Variants in NTRK2 observed in about 807,000 individuals in gnomAD.
NTRK2 encodes BDNF/NT-3 growth factors receptor.
A neutral mutation model predicts 94.5 loss-of-function variants in NTRK2; 13 were observed. The ratio of observed to expected loss-of-function variants is 0.14; its 90% CI spans 0.09 to 0.22. The LOEUF is 0.22. Among genes scored for constraint, NTRK2 ranks in the 10% least tolerant of loss-of-function variants. The pLI is 1.00. For missense variants in NTRK2, 639 were observed against 1,071.2 expected, an observed-to-expected ratio of 0.60 and a Z score of 5.63; for synonymous variants, 372 against 407.4, an observed-to-expected ratio of 0.91 and a Z score of 1.05.
intron 12 of NTRK2, among the ~76,000 whole-genome samples, chr9:84,803,198 G>C (rs2133417422): frequency 6.6e-6 from 1 of 152,284 alleles, no homozygotes. Flanking sequence ...TGAGATGATG[G>C]AAGTTCTACT....
intron 2 of NTRK2, among the ~76,000 whole-genome samples, chr9:84,680,212 A>G (rs561504166): frequency 1.3e-5 from 2 of 152,172 alleles, no homozygotes; most frequent in Non-Finnish European, 2.9e-5. Flanking sequence ...TGTCCAACAA[A>G]CAGGGTACTC....
intron 14 of NTRK2, chr9:84,875,572 G>A (rs200865429): frequency 9.4e-7 from 1 of 1,062,762 alleles, no homozygotes; most frequent in Non-Finnish European, 1.1e-6. Context: ...AGCCGAGTAT[G>A]CTGGATCTTA....
chr9:84,678,258 G>A (rs1338918679), intron 2 of NTRK2, among the ~76,000 whole-genome samples: 1 of 152,172 alleles, frequency 6.6e-6, no homozygotes, highest in East Asian at 1.9e-4. Context: ...TGGTTGGGCT[G>A]TCTTCTTTGA....
chr9:84,718,075 C>CTT (rs200916575), intron 6 of NTRK2, among the ~76,000 whole-genome samples: 1 of 149,246 alleles, frequency 6.7e-6, no homozygotes, highest in Non-Finnish European at 1.5e-5. Flanking sequence ...TTTCTTCTTC[C>CTT]TTTTTTTTTG....
At position 85,026,414 on chromosome 9, in the gene NTRK2, G is replaced by A. The variant is rs1477889291; in HGVS notation, c.*4977G>A. 31 of 231,952 alleles carry A rather than the reference G, an allele frequency of 1.3e-4. No individual in the cohort carries two copies. The East Asian group carries it at 1.8e-3, about 14-fold the overall frequency. The allele number at this position is 231,952 out of a possible 1,614,324, so 14.4% of individuals were successfully genotyped here. On this transcript the variant is annotated 3_prime_UTR_variant, in exon 19 of 19. Coordinates refer to ENST00000277120, the MANE Select transcript of NTRK2 (RefSeq NM_006180.6). The stretch of plus-strand genomic sequence containing the variant: ...TCATAAAAGCTGCTAGTAGCCATGT[G>A]TTTGAACAGGAAAAATATTACAGAA...
intron 2 of NTRK2, among the ~76,000 whole-genome samples, chr9:84,675,961 G>T (rs578106805): frequency 6.6e-6 from 1 of 152,334 alleles, no homozygotes; most frequent in East Asian, 1.9e-4. Context: ...GGAGATGGAT[G>T]AGTGAATGTG....
chr9:85,022,377 G>A lies in NTRK2; in HGVS notation c.*940G>A, dbSNP rs1832827154. The A allele has an allele frequency of 4.3e-6, 1 of 233,238 alleles. No homozygotes were observed. Among genetic ancestry groups the A allele is most frequent in the Non-Finnish European group, 8.5e-6 (1 of 118,026 alleles). 14.4% of individuals were successfully genotyped at this position (233,238 alleles called of 1,614,324 possible). A position where few individuals can be genotyped will look rare whatever the true frequency, so the allele number is the denominator to read the frequency against. ...GCTCGGACACAGTTTTGTCTTCGTA[G>A]GTTGTGATGATAGCACTGGTTTGTT... On this transcript the variant is annotated 3_prime_UTR_variant, in exon 19 of 19. Transcript: ENST00000277120.
intron 12 of NTRK2, chr9:84,815,130 C>T: frequency 9.5e-7 from 1 of 1,057,256 alleles, no homozygotes. Flanking sequence ...AGTCCATTTT[C>T]AAGTTTTGGT....
intron 12 of NTRK2, among the ~76,000 whole-genome samples, chr9:84,850,601 A>G (rs1241978304): frequency 6.6e-6 from 1 of 152,200 alleles, no homozygotes; most frequent in Admixed American, 6.5e-5. Flanking sequence ...CGGTCCAATC[A>G]GGTGGTCAGG....
At chr9:84,988,528 A>G (rs1217977154) in intron 17 of NTRK2, among the ~76,000 whole-genome samples, 2 of 152,170 alleles carry the variant, frequency 1.3e-5, no homozygotes, top group Non-Finnish European at 2.9e-5. Flanking sequence ...TTCTCCCATC[A>G]TGTTTGAGAA....
chr9:84,998,030 G>A (rs1241706751), intron 17 of NTRK2, among the ~76,000 whole-genome samples: 1 of 152,146 alleles, frequency 6.6e-6, no homozygotes, highest in East Asian at 1.9e-4. Context: ...CTCTTGGCCT[G>A]GTGCCTCCTT....
chr9:84,866,490 A>C (rs1468048355), intron 13 of NTRK2, among the ~76,000 whole-genome samples: 1 of 152,212 alleles, frequency 6.6e-6, no homozygotes, highest in Non-Finnish European at 1.5e-5. Flanking sequence ...TGCTCTGTGA[A>C]ATAGGGATCC....
chr9:84,892,012 C>T (rs190175250), intron 14 of NTRK2, among the ~76,000 whole-genome samples: 169 of 152,136 alleles, frequency 1.1e-3, no homozygotes, highest in Non-Finnish European at 7.6e-4. Flanking sequence ...TTTAGTAACC[C>T]AGTCTGATTT....
At chr9:84,745,158 C>T (rs1008806289) in intron 11 of NTRK2, 85 bp downstream of exon 11, 1 of 902,468 alleles carries the variant, frequency 1.1e-6, no homozygotes, top group African/African-American at 1.7e-5. Context: ...TTCAATAAGA[C>T]ACTTTTATTG....
chr9:84,746,141 T>G (rs76045148), intron 11 of NTRK2, among the ~76,000 whole-genome samples: 2,154 of 152,290 alleles, frequency 0.014, 56 homozygotes, highest in African/African-American at 0.049. Context: ...TGTATGGTTT[T>G]CAGGCTAAGA....
intron 14 of NTRK2, among the ~76,000 whole-genome samples, chr9:84,870,941 A>G (rs1226268370): frequency 6.6e-6 from 1 of 152,256 alleles, no homozygotes; most frequent in African/African-American, 2.4e-5. Context: ...AATCTAATAT[A>G]TGTAAGATCT....
intron 12 of NTRK2, among the ~76,000 whole-genome samples, chr9:84,826,365 A>G (rs1006954789): frequency 2.6e-5 from 4 of 152,190 alleles, no homozygotes; most frequent in African/African-American, 9.7e-5. Flanking sequence ...TCTTCCTCTT[A>G]TAGAAATTCT....
chr9:84,883,370 T>C (rs1319946300), intron 14 of NTRK2, among the ~76,000 whole-genome samples: 1 of 152,206 alleles, frequency 6.6e-6, no homozygotes, highest in Non-Finnish European at 1.5e-5. Context: ...ATGGTTACCC[T>C]TCCTGGTTGC....
chr9:84,704,290 T>G lies in NTRK2; in HGVS notation c.359+1871T>G, dbSNP rs193227888. On this transcript the variant is annotated intron_variant, in intron 4 of 18. Transcript: ENST00000277120. The stretch of plus-strand genomic sequence containing the variant: ...GTCACCCAGGCTGGAGTGCAGTGGC[T>G]CGATCTCGGCTCACTGCAAGCTCCG... Among the ~76,000 whole-genome samples the G allele has an allele frequency of 7.0e-4, 99 of 142,116 alleles. 1 individual carries two copies. The highest frequency in any genetic ancestry group is 2.5e-3 in the African/African-American group (95 of 38,650). 93.2% of individuals were successfully genotyped at this position (142,116 alleles called of 152,430 possible).
Sources: allele counts gnomAD v4.1 joint callset (sites outside exome capture counted in the v4.1 genomes callset), GRCh38; gene constraint gnomAD v4.1.1; transcripts MANE v1.5; gene names NCBI Gene and HGNC (gene_info 2026-07-23, HGNC 2026-07-21).